Variants in DACH2 observed in about 807,000 individuals in gnomAD.
DACH2 encodes dachshund homolog 2.
A neutral mutation model predicts 35.8 loss-of-function variants in DACH2; 17 were observed. The observed-to-expected ratio is 0.48, with a 90% CI of 0.33 to 0.71. The LOEUF (loss-of-function observed/expected upper bound fraction) is 0.71, where lower values mean the gene tolerates loss of function less well. Among genes scored for constraint, DACH2 ranks in the 30% least tolerant of loss-of-function variants. The pLI, the probability that DACH2 is intolerant of heterozygous loss-of-function variation, is 0.02. For missense variants in DACH2, 469 were observed against 472.7 expected, an observed-to-expected ratio of 0.99 and a Z score of 0.07; for synonymous variants, 195 against 177.3, an observed-to-expected ratio of 1.10 and a Z score of -0.79.
At chrX:86,574,142 C>T (rs890916181) in intron 3 of DACH2, among the ~76,000 whole-genome samples, 1 of 110,781 alleles carries the variant, frequency 9.0e-6, no homozygotes, top group Non-Finnish European at 1.9e-5. Context: ...TTGAAGTTAC[C>T]CCAAAGAGTA....
chrX:86,759,668 C>T (rs2041862038), intron 7 of DACH2, among the ~76,000 whole-genome samples: 1 of 110,048 alleles, frequency 9.1e-6, no homozygotes, highest in African/African-American at 3.3e-5. Flanking sequence ...TTATTCCTTG[C>T]CTTTCATTTA....
chrX:86,479,725 T>C (rs2037908354), intron 2 of DACH2, among the ~76,000 whole-genome samples: 1 of 112,114 alleles, frequency 8.9e-6, no homozygotes, highest in Non-Finnish European at 1.9e-5. Context: ...AGCTCACTAT[T>C]TCTTTCTTCA....
chrX:86,453,842 G>T (rs1228309257), intron 2 of DACH2, among the ~76,000 whole-genome samples: 1 of 110,654 alleles, frequency 9.0e-6, no homozygotes, highest in African/African-American at 3.3e-5. Flanking sequence ...GTGTGAATTT[G>T]AAACTTGTTT....
intron 7 of DACH2, 96 bp from the exon 8 acceptor site, chrX:86,812,760 G>T: frequency 3.6e-6 from 2 of 556,035 alleles, no homozygotes; most frequent in East Asian, 4.0e-5. Context: ...TTTAGTTTTA[G>T]AAACAAAATC....
intron 1 of DACH2, among the ~76,000 whole-genome samples, chrX:86,225,527 T>TTGTTTAAAG (rs1466663692): frequency 2.7e-5 from 3 of 111,046 alleles, no homozygotes; most frequent in Non-Finnish European, 5.7e-5. Context: ...TATTTTGAAG[T>TTGTTTAAAG]TGTTTAAAGT....
chrX:86,721,882 C>T (rs1429874371), intron 6 of DACH2, among the ~76,000 whole-genome samples: 7 of 111,321 alleles, frequency 6.3e-5, no homozygotes, highest in Non-Finnish European at 1.1e-4. Context: ...GAAATGAATG[C>T]CCGATGCTTA....
Position 86,237,367 on chromosome X carries a change from C to T in DACH2, c.488+88259C>T, listed in dbSNP as rs772876783. Reference sequence around the variant, plus strand: ...ACATAGTCCTTTATTTTATCAAGTACCATGTACTGTAAATAATTGTATGTG... The same window carrying T: ...ACATAGTCCTTTATTTTATCAAGTATCATGTACTGTAAATAATTGTATGTG... On this transcript the variant is annotated intron_variant, in intron 1 of 11. Transcript: ENST00000373125. 4.5e-5 allele frequency among the ~76,000 whole-genome samples: 5 copies of T among 111,777 alleles called. No individual in the cohort carries two copies. The South Asian group carries it at 1.9e-3, about 42-fold the overall frequency.
chrX:86,239,501 G>A (rs1280687897), intron 1 of DACH2, among the ~76,000 whole-genome samples: 2 of 112,037 alleles, frequency 1.8e-5, no homozygotes, highest in African/African-American at 6.5e-5. Flanking sequence ...ATGTCTGTAA[G>A]ATTCATCCTC....
At chrX:86,805,510 C>T (rs2042335839) in intron 7 of DACH2, among the ~76,000 whole-genome samples, 1 of 111,824 alleles carries the variant, frequency 8.9e-6, no homozygotes, top group South Asian at 3.7e-4. Context: ...CTCCTCTTTA[C>T]TTATGCAAAT....
intron 3 of DACH2, among the ~76,000 whole-genome samples, chrX:86,586,809 T>G (rs2039577593): frequency 8.9e-6 from 1 of 111,739 alleles, no homozygotes; most frequent in African/African-American, 3.2e-5. Context: ...ACCATGCTGT[T>G]TTGGTTACTG....
At chrX:86,474,575 T>G (rs2037812071) in intron 2 of DACH2, among the ~76,000 whole-genome samples, 2 of 112,254 alleles carry the variant, frequency 1.8e-5, no homozygotes, top group Admixed American at 1.9e-4. Flanking sequence ...TTTTTCTGCA[T>G]ATGGATATCC....
chrX:86,283,702 A>G (rs1433452067), intron 1 of DACH2, among the ~76,000 whole-genome samples: 2 of 105,558 alleles, frequency 1.9e-5, no homozygotes, highest in African/African-American at 3.5e-5. Flanking sequence ...CAGGGAGGGG[A>G]ACATCACACA....
rs376349063 is a variant in DACH2 at position 86,239,392 on chromosome X, A to G, written c.488+90284A>G. 4.1e-4 allele frequency among the ~76,000 whole-genome samples: 46 copies of G among 111,825 alleles called. No homozygotes were observed. In the East Asian group the frequency reaches 0.011, roughly 27 times the overall value. ...TACCACCTGCCAAGGGACAATATGT[A>G]TCTAACATTTATGTATTTGTTTGCC... is the stretch of plus-strand genomic sequence containing the variant. On this transcript the variant is annotated intron_variant, in intron 1 of 11. Coordinates refer to ENST00000373125, the MANE Select transcript of DACH2 (RefSeq NM_053281.3).
At chrX:86,158,163 A>G (rs780402701) in intron 1 of DACH2, among the ~76,000 whole-genome samples, 26 of 111,905 alleles carry the variant, frequency 2.3e-4, no homozygotes, top group African/African-American at 8.1e-4. Context: ...TCTATATAAC[A>G]CTACTGATGA....
chrX:86,633,795 C>A (rs1442930147), intron 3 of DACH2, among the ~76,000 whole-genome samples: 1 of 111,913 alleles, frequency 8.9e-6, no homozygotes, highest in Non-Finnish European at 1.9e-5. Context: ...GGTTTTTACA[C>A]AAGAGATGGA....
chrX:86,188,002 T>G (rs1008729630), intron 1 of DACH2, among the ~76,000 whole-genome samples: 7 of 112,348 alleles, frequency 6.2e-5, no homozygotes, highest in Non-Finnish European at 9.4e-5. Flanking sequence ...CAGTGACTAC[T>G]GATGTGGAAA....
At chrX:86,702,036 C>T (rs775322687) in intron 5 of DACH2, among the ~76,000 whole-genome samples, 2 of 111,548 alleles carry the variant, frequency 1.8e-5, no homozygotes, top group Non-Finnish European at 3.8e-5. Context: ...AAAAAAGTCT[C>T]AATAAGTTTT....
intron 2 of DACH2, among the ~76,000 whole-genome samples, chrX:86,483,965 A>T (rs1178934559): frequency 1.8e-5 from 2 of 111,835 alleles, no homozygotes; most frequent in Non-Finnish European, 3.8e-5. Flanking sequence ...GCGTGTATGT[A>T]TACATGAGTG....
In DACH2 at chrX:86,620,762, A is replaced by T. The variant is rs185513431; in HGVS notation, c.641-30274A>T. On this transcript the variant is annotated intron_variant, in intron 3 of 11. Transcript: ENST00000373125. ...TGGGAGCAGTGCAGGAGGGGAATAA[A>T]TGCCACTAAATAATCTTTTGACAAG... Among the ~76,000 whole-genome samples the T allele has an allele frequency of 4.4e-3, 477 of 108,701 alleles. 2 individuals are homozygous for T. The highest frequency in any genetic ancestry group is 0.016 in the African/African-American group (462 of 29,708). The allele number at this position is 108,701 out of a possible 115,157, so 94.4% of individuals were successfully genotyped here.
Sources: allele counts gnomAD v4.1 joint callset (sites outside exome capture counted in the v4.1 genomes callset), GRCh38; gene constraint gnomAD v4.1.1; transcripts MANE v1.5; gene names NCBI Gene and HGNC (gene_info 2026-07-23, HGNC 2026-07-21).